The following HBS1L variants were observed in gnomAD, a reference collection of about 807,000 sequenced individuals.
The protein encoded by HBS1L is HBS1 like translational GTPase, also known as HBS1-like protein.
A neutral mutation model predicts 88.9 loss-of-function variants in HBS1L; 55 were observed. The observed-to-expected ratio is 0.62, with a 90% CI of 0.50 to 0.77. The LOEUF (loss-of-function observed/expected upper bound fraction) is 0.77, where lower values mean the gene tolerates loss of function less well. Ranked by LOEUF, HBS1L falls within the 30% of genes least tolerant of loss-of-function variation. HBS1L has a pLI of 0.00. For missense variants in HBS1L, 741 were observed against 829.3 expected, an observed-to-expected ratio of 0.89 and a Z score of 1.31; for synonymous variants, 267 against 288.5, an observed-to-expected ratio of 0.93 and a Z score of 0.76.
intron 3 of HBS1L, among the ~76,000 whole-genome samples, chr6:135,040,034 C>A (rs1008717909): frequency 1.3e-5 from 2 of 152,170 alleles, no homozygotes; most frequent in African/African-American, 2.4e-5. Flanking sequence ...GTGTACATTG[C>A]ACAGTATACA....
chr6:134,983,490 C>T (rs1048395273), intron 12 of HBS1L: 2 of 152,020 alleles, frequency 1.3e-5, no homozygotes, highest in African/African-American at 2.4e-5. Flanking sequence ...GATGATGATG[C>T]ATTAACTGTG....
intron 8 of HBS1L, among the ~76,000 whole-genome samples, chr6:134,993,327 G>C (rs1172849000): frequency 6.6e-6 from 1 of 151,994 alleles, no homozygotes; most frequent in Non-Finnish European, 1.5e-5. Flanking sequence ...ATATTATAAA[G>C]AAAGTAAATA....
chr6:135,026,691 T>G (rs115284131), intron 4 of HBS1L, among the ~76,000 whole-genome samples: 1,605 of 152,176 alleles, frequency 0.011, 32 homozygotes, highest in African/African-American at 0.036. Flanking sequence ...ATATTAATGC[T>G]AAACTGAATT....
intron 4 of HBS1L, among the ~76,000 whole-genome samples, chr6:135,029,460 T>C (rs1221101604): frequency 6.6e-6 from 1 of 151,724 alleles, no homozygotes; most frequent in African/African-American, 2.4e-5. Flanking sequence ...AGATTAAGAA[T>C]AGACAGGAAG....
chr6:135,034,885 G>T (rs1426736748), intron 4 of HBS1L, among the ~76,000 whole-genome samples: 1 of 152,060 alleles, frequency 6.6e-6, no homozygotes, highest in Non-Finnish European at 1.5e-5. Context: ...TACACATTTT[G>T]GGGAATAATT....
intron 4 of HBS1L, among the ~76,000 whole-genome samples, chr6:135,028,470 C>T (rs1776297749): frequency 6.7e-6 from 1 of 148,622 alleles, no homozygotes; most frequent in African/African-American, 2.4e-5. Flanking sequence ...AATTTGACCC[C>T]AGAATCTTCA....
intron 12 of HBS1L, 172 bp from the exon 13 acceptor site, chr6:134,982,734 C>CTT (rs374957264): frequency 6.5e-4 from 214 of 328,030 alleles, no homozygotes; most frequent in Middle Eastern, 2.2e-3. Flanking sequence ...CCACACTTTA[C>CTT]TTTTTTTTTT....
intron 16 of HBS1L, 134 bp downstream of exon 16, chr6:134,969,104 C>T (rs967264499): frequency 8.0e-6 from 5 of 626,352 alleles, no homozygotes; most frequent in African/African-American, 1.8e-5. Flanking sequence ...TTAATCTAGC[C>T]CTTGAAAAAA....
intron 4 of HBS1L, among the ~76,000 whole-genome samples, chr6:135,006,314 C>T (rs1228619404): frequency 6.6e-6 from 1 of 152,074 alleles, no homozygotes; most frequent in African/African-American, 2.4e-5. Context: ...AGGTAAAGCT[C>T]ACGGGAAATA....
chr6:135,010,166 G>A (rs1192254883), intron 4 of HBS1L, among the ~76,000 whole-genome samples: 1 of 151,942 alleles, frequency 6.6e-6, no homozygotes, highest in Non-Finnish European at 1.5e-5. Flanking sequence ...CTATACACAA[G>A]GGCAACCAAT....
At chr6:134,994,936 A>G (rs920662988) in intron 7 of HBS1L, among the ~76,000 whole-genome samples, 1 of 152,082 alleles carries the variant, frequency 6.6e-6, no homozygotes. Context: ...TTTACTACCA[A>G]AAGAGTACAA....
At chr6:134,980,901 A>G (rs1289797422) in intron 13 of HBS1L, among the ~76,000 whole-genome samples, 1 of 151,998 alleles carries the variant, frequency 6.6e-6, no homozygotes, top group Non-Finnish European at 1.5e-5. Flanking sequence ...AAGTAAACCA[A>G]GCAAAAGCAG....
intron 4 of HBS1L, among the ~76,000 whole-genome samples, chr6:135,032,164 T>C: frequency 6.6e-6 from 1 of 152,056 alleles, no homozygotes; most frequent in East Asian, 1.9e-4. Flanking sequence ...GTTTGTTTTT[T>C]AATTTGTTTA....
chr6:135,028,255 G>C (rs894717425), intron 4 of HBS1L, among the ~76,000 whole-genome samples: 5 of 134,366 alleles, frequency 3.7e-5, no homozygotes, highest in Admixed American at 3.6e-4. Flanking sequence ...AAAACAAATT[G>C]CAAGGTAATA....
chr6:134,971,725 G>A (rs1255273055), intron 15 of HBS1L, among the ~76,000 whole-genome samples: 1 of 151,978 alleles, frequency 6.6e-6, no homozygotes. Flanking sequence ...GCAGCATAGT[G>A]TAATAGGAAA....
intron 2 of HBS1L, among the ~76,000 whole-genome samples, chr6:135,045,743 G>A (rs977047493): frequency 1.3e-5 from 2 of 151,920 alleles, no homozygotes; most frequent in African/African-American, 4.8e-5. Flanking sequence ...GCTGAGGCGT[G>A]AGAACTGCTT....
chr6:135,021,687 A>G (rs1373890288), intron 4 of HBS1L, among the ~76,000 whole-genome samples: 1 of 152,172 alleles, frequency 6.6e-6, no homozygotes, highest in East Asian at 1.9e-4. Flanking sequence ...GTTACAGAAT[A>G]AAAGTTTGTT....
rs139693385 is a variant in HBS1L at position 135,039,611 on chromosome 6, T to C, written c.392A>G (p.Lys131Arg). The C allele has an allele frequency of 1.2e-6, 2 of 1,614,042 alleles. No homozygotes were observed. The highest frequency in any genetic ancestry group is 2.7e-5 in the African/African-American group (2 of 74,952). ...TCCTGTAGATACTGTTGCCTCATTCTTGTCCTTCAAACTCTGCACTCTATC... is the reference window on the plus strand; with the variant it reads ...TCCTGTAGATACTGTTGCCTCATTCCTGTCCTTCAAACTCTGCACTCTATC... The part of the protein sequence containing the change: ...EQDRVQSLKD[K>R]NEATVSTGKI... Residue 131 changes from lysine (K) to arginine (R), a missense_variant, in exon 4 of 18, where the codon AAG (lysine) becomes AGG (arginine). Around this residue, in one of 3 missense-constraint regions of HBS1L, gnomAD observed 556 missense variants for 598.4 expected, o/e 0.93. Coordinates refer to ENST00000367837, the MANE Select transcript of HBS1L (RefSeq NM_006620.4).
In HBS1L at chr6:134,966,558, A is replaced by C. The variant is rs1774322068; in HGVS notation, c.1899-85T>G. ...ACAACTTGAAAAACAAATATTTCAC[A>C]TTTAACCAACATATCAACTGAGTCT... is the stretch of plus-strand genomic sequence containing the variant. On this transcript the variant is annotated intron_variant, in intron 16 of 17. Coordinates refer to ENST00000367837, the MANE Select transcript of HBS1L (RefSeq NM_006620.4). The C allele has an allele frequency of 6.7e-6, 6 of 898,048 alleles. No homozygotes were observed. The Admixed American group carries it at 1.4e-4, about 21-fold the overall frequency. 55.6% of individuals were successfully genotyped at this position (898,048 alleles called of 1,614,324 possible).
Sources: gnomAD v4.1 joint callset for allele counts (sites outside exome capture counted in the v4.1 genomes callset) on GRCh38, gnomAD v4.1.1 for gene constraint, gnomAD v4.1.1 regional missense constraint, MANE v1.5 for transcripts, NCBI Gene and HGNC (gene_info 2026-07-23, HGNC 2026-07-21) for gene names.